The following MMP26 variants were observed in gnomAD, a reference collection of about 807,000 sequenced individuals.
MMP26 encodes the protein matrix metallopeptidase 26.
Under a neutral mutation model 31.0 loss-of-function variants are expected in MMP26, and 33 were observed. That is an observed-to-expected ratio of 1.06 (90% CI 0.81 to 1.42). The LOEUF (loss-of-function observed/expected upper bound fraction) is 1.42. Ranked by LOEUF, MMP26 falls within the 40% of genes most tolerant of loss-of-function variation. The probability of loss-of-function intolerance (pLI) is 0.00; values close to 1 mark genes in which losing one functional copy is unlikely to be tolerated. For missense variants in MMP26, 347 were observed against 316.1 expected, an observed-to-expected ratio of 1.10 and a Z score of -0.74; for synonymous variants, 122 against 114.9, an observed-to-expected ratio of 1.06 and a Z score of -0.40.
chr11:4,739,086 G>C (rs531657902), intron 1 of MMP26, among the ~76,000 whole-genome samples: 12 of 152,184 alleles, frequency 7.9e-5, no homozygotes, highest in Non-Finnish European at 1.3e-4. Context: ...TTAGCAATTA[G>C]TCTTTTAAAA....
chr11:4,933,555 T>A (rs1195454608), intron 2 of MMP26, among the ~76,000 whole-genome samples: 5 of 16,696 alleles, frequency 3.0e-4, no homozygotes, highest in Non-Finnish European at 7.6e-4. Context: ...TTTTGTTTTT[T>A]GTTTGTTTTG....
At chr11:4,713,355 C>A (rs968911511) in intron 1 of MMP26, among the ~76,000 whole-genome samples, 1 of 152,120 alleles carries the variant, frequency 6.6e-6, no homozygotes. Context: ...ATCTCTCCCC[C>A]ACACTGGCAC....
At chr11:4,706,625 G>GAACACTT (rs1847784544) in intron 1 of MMP26, among the ~76,000 whole-genome samples, 1 of 111,098 alleles carries the variant, frequency 9.0e-6, no homozygotes. Context: ...AGAAAGAAAA[G>GAACACTT]AACACTTAAC....
At chr11:4,773,594 GGTT>G (rs775181458) in intron 2 of MMP26, among the ~76,000 whole-genome samples, 137 of 141,062 alleles carry the variant, frequency 9.7e-4, no homozygotes, top group African/African-American at 3.1e-3. Context: ...GTGTTTGTGG[GGTT>G]TTTTTTTTTT....
intron 2 of MMP26, among the ~76,000 whole-genome samples, chr11:4,902,403 G>T (rs1850816569): frequency 6.6e-6 from 1 of 152,086 alleles, no homozygotes; most frequent in African/African-American, 2.4e-5. Context: ...AATTTGCTCA[G>T]GATAATGGCT....
At chr11:4,872,459 G>A (rs185101770) in intron 2 of MMP26, among the ~76,000 whole-genome samples, 32 of 152,104 alleles carry the variant, frequency 2.1e-4, no homozygotes, top group Admixed American at 3.9e-4. Flanking sequence ...CCAAAAACTA[G>A]TCAGTAAAAC....
chr11:4,978,565 G>A (rs999892420), intron 2 of MMP26, among the ~76,000 whole-genome samples: 3 of 152,078 alleles, frequency 2.0e-5, no homozygotes, highest in Admixed American at 1.3e-4. Flanking sequence ...GTAAATGGAA[G>A]CGATGTTTAG....
intron 2 of MMP26, among the ~76,000 whole-genome samples, chr11:4,842,967 G>A (rs556428769): frequency 1.9e-4 from 29 of 152,306 alleles, no homozygotes; most frequent in Non-Finnish European, 3.1e-4. Flanking sequence ...ATGCAAGTCC[G>A]AAACCCAGCA....
intron 1 of MMP26, among the ~76,000 whole-genome samples, chr11:4,746,196 A>T (rs1045703312): frequency 6.6e-6 from 1 of 152,174 alleles, no homozygotes; most frequent in African/African-American, 2.4e-5. Flanking sequence ...CACATTATTA[A>T]TTCTCACTTT....
chr11:4,740,137 C>T (rs1254418343), intron 1 of MMP26, among the ~76,000 whole-genome samples: 1 of 151,928 alleles, frequency 6.6e-6, no homozygotes. Flanking sequence ...CATTCAGTTT[C>T]CTGACATCAT....
At chr11:4,989,474 T>TATC (rs749702720) in intron 3 of MMP26, among the ~76,000 whole-genome samples, 174 bp from the exon 4 acceptor site, 34 of 152,338 alleles carry the variant, frequency 2.2e-4, no homozygotes, top group Non-Finnish European at 5.0e-4. Flanking sequence ...ATCATTTCAC[T>TATC]GTGGCATAAA....
intron 2 of MMP26, among the ~76,000 whole-genome samples, chr11:4,812,815 A>G (rs11822851): frequency 0.092 from 14,033 of 152,082 alleles, 1,192 homozygotes; most frequent in African/African-American, 0.23. Flanking sequence ...CCTTCTGTGG[A>G]GACATATAGC....
At chr11:4,950,942 G>A (rs1340588827) in intron 2 of MMP26, among the ~76,000 whole-genome samples, 1 of 123,970 alleles carries the variant, frequency 8.1e-6, no homozygotes, top group African/African-American at 2.7e-5. Context: ...GTGTAAATCA[G>A]TGCAAGTTCT....
At chr11:4,862,059 T>C (rs765628589) in intron 2 of MMP26, among the ~76,000 whole-genome samples, 1 of 152,216 alleles carries the variant, frequency 6.6e-6, no homozygotes, top group Non-Finnish European at 1.5e-5. Flanking sequence ...GTAGAATTTC[T>C]ACATGCATTA....
At chr11:4,807,531 A>G (rs1186606568) in intron 2 of MMP26, among the ~76,000 whole-genome samples, 1 of 143,118 alleles carries the variant, frequency 7.0e-6, no homozygotes, top group African/African-American at 2.6e-5. Flanking sequence ...AAAACCAAAC[A>G]CCGCATGTTC....
intron 1 of MMP26, among the ~76,000 whole-genome samples, chr11:4,717,074 G>GA (rs1847943643): frequency 6.6e-6 from 1 of 152,104 alleles, no homozygotes. Context: ...TTTCTTTCAT[G>GA]ATGATTTTCA....
At chr11:4,766,930 T>G (rs1209787359) in intron 1 of MMP26, among the ~76,000 whole-genome samples, 1 of 152,100 alleles carries the variant, frequency 6.6e-6, no homozygotes, top group Non-Finnish European at 1.5e-5. Flanking sequence ...CACATCTATC[T>G]TTCTGATGTT....
At chr11:4,902,455 C>CT (rs1342646302) in intron 2 of MMP26, among the ~76,000 whole-genome samples, 2 of 152,196 alleles carry the variant, frequency 1.3e-5, no homozygotes, top group East Asian at 1.9e-4. Flanking sequence ...CGATTTTGTT[C>CT]TTTTTTTGTG....
chr11:4,945,356 A>T (rs12788743), intron 2 of MMP26: 1 of 152,094 alleles, frequency 6.6e-6, no homozygotes, highest in Non-Finnish European at 1.5e-5. Flanking sequence ...AAAACTGTTC[A>T]GTAGGTTGAT....
Sources: gnomAD v4.1 joint callset for allele counts (sites outside exome capture counted in the v4.1 genomes callset) on GRCh38, gnomAD v4.1.1 for gene constraint, MANE v1.5 for transcripts, NCBI Gene and HGNC (gene_info 2026-07-23, HGNC 2026-07-21) for gene names.